Variants in LIN7A observed in about 807,000 individuals in gnomAD.
LIN7A encodes the protein protein lin-7 homolog A.
A neutral mutation model predicts 29.8 loss-of-function variants in LIN7A; 25 were observed. The observed-to-expected ratio is 0.84, with a 90% CI of 0.61 to 1.17. The LOEUF (loss-of-function observed/expected upper bound fraction) is 1.17, where lower values mean the gene tolerates loss of function less well. LIN7A is among the 50% of genes most tolerant of loss of function. LIN7A has a pLI of 0.00. For missense variants in LIN7A, 239 were observed against 287.0 expected (o/e 0.83, Z 1.21); for synonymous variants, 118 against 107.5 (o/e 1.10, Z -0.60).
At chr12:80,828,569 G>A (rs994637369) in intron 4 of LIN7A, among the ~76,000 whole-genome samples, 2 of 152,004 alleles carry the variant, frequency 1.3e-5, no homozygotes, top group African/African-American at 4.8e-5. Context: ...TGTTTCAAGG[G>A]CTTTAAATGT....
chr12:80,928,658 T>A (rs947852485), intron 1 of LIN7A, among the ~76,000 whole-genome samples: 2 of 152,236 alleles, frequency 1.3e-5, no homozygotes, highest in Non-Finnish European at 2.9e-5. Context: ...TTCTCTCTGA[T>A]GATAGTTTCT....
At chr12:80,904,515 C>T (rs1318557164) in intron 1 of LIN7A, among the ~76,000 whole-genome samples, 1 of 152,198 alleles carries the variant, frequency 6.6e-6, no homozygotes, top group Non-Finnish European at 1.5e-5. Context: ...TTATTATACA[C>T]ATAAATGAGA....
chr12:80,843,568 T>C (rs894313024), intron 4 of LIN7A, among the ~76,000 whole-genome samples: 1 of 152,162 alleles, frequency 6.6e-6, no homozygotes, highest in African/African-American at 2.4e-5. Flanking sequence ...GCAGTATCAC[T>C]GGGAGGTTGT....
chr12:80,890,164 T>C (rs768206113), intron 1 of LIN7A, among the ~76,000 whole-genome samples: 2 of 152,176 alleles, frequency 1.3e-5, no homozygotes, highest in Non-Finnish European at 2.9e-5. Flanking sequence ...TAGTCTTTTA[T>C]AGACATAAAA....
chr12:80,834,256 T>G (rs1349631041), intron 4 of LIN7A, among the ~76,000 whole-genome samples: 2 of 152,200 alleles, frequency 1.3e-5, no homozygotes, highest in Non-Finnish European at 2.9e-5. Flanking sequence ...TCAAATCTTG[T>G]ATACTACATA....
At chr12:80,882,197 C>T (rs1303621058) in intron 2 of LIN7A, among the ~76,000 whole-genome samples, 1 of 151,044 alleles carries the variant, frequency 6.6e-6, no homozygotes, top group Non-Finnish European at 1.5e-5. Context: ...AAATGCAATG[C>T]TAATGGTTTC....
chr12:80,903,034 C>T (rs12829889), intron 1 of LIN7A, among the ~76,000 whole-genome samples: 9,350 of 150,148 alleles, frequency 0.062, 454 homozygotes, highest in South Asian at 0.24. Context: ...TGTGTTTCTT[C>T]AATATCTAGT....
At chr12:80,826,074 G>A (rs1250347929) in intron 4 of LIN7A, among the ~76,000 whole-genome samples, 1 of 150,882 alleles carries the variant, frequency 6.6e-6, no homozygotes, top group African/African-American at 2.4e-5. Context: ...AATTTAATTG[G>A]AGAGATTCAA....
intron 2 of LIN7A, among the ~76,000 whole-genome samples, chr12:80,864,676 T>C (rs1182253206): frequency 6.6e-6 from 1 of 152,192 alleles, no homozygotes; most frequent in Non-Finnish European, 1.5e-5. Flanking sequence ...GGAAGTGATA[T>C]GCCAGGTTCA....
chr12:80,899,765 CTTTTCTTT>C (rs1876102332), intron 1 of LIN7A, among the ~76,000 whole-genome samples: 1 of 109,992 alleles, frequency 9.1e-6, no homozygotes, highest in Non-Finnish European at 2.0e-5. Flanking sequence ...TTCTTTTTTT[CTTTTCTTT>C]TTTTTTTTTT....
At chr12:80,797,815 A>G (rs1870526336) in intron 5 of LIN7A, 89 bp from the exon 6 acceptor site, 1 of 152,560 alleles carries the variant, frequency 6.6e-6, no homozygotes, top group Non-Finnish European at 1.5e-5. Context: ...AGCATATGCT[A>G]TGTGAGAACA....
At chr12:80,845,480 A>T (rs909483003) in intron 4 of LIN7A, 4 of 392,658 alleles carry the variant, frequency 1.0e-5, no homozygotes, top group Admixed American at 9.0e-5. Context: ...GAAGAAAGTC[A>T]GCTAGTTGGA....
intron 2 of LIN7A, among the ~76,000 whole-genome samples, chr12:80,887,922 G>A (rs1714738029): frequency 6.6e-6 from 1 of 152,098 alleles, no homozygotes; most frequent in Non-Finnish European, 1.5e-5. Context: ...CGGGGGAATG[G>A]CACTCTGTGA....
intron 1 of LIN7A, among the ~76,000 whole-genome samples, chr12:80,935,014 G>T (rs1229673484): frequency 6.6e-6 from 1 of 152,010 alleles, no homozygotes; most frequent in Non-Finnish European, 1.5e-5. Context: ...TCCTTTCCAT[G>T]GTTAAAATAC....
At chr12:80,840,596 A>G (rs897661987) in intron 4 of LIN7A, among the ~76,000 whole-genome samples, 2 of 138,750 alleles carry the variant, frequency 1.4e-5, no homozygotes, top group African/African-American at 5.4e-5. Context: ...ACTATAAAGT[A>G]CTAAATAAAT....
intron 1 of LIN7A, among the ~76,000 whole-genome samples, chr12:80,895,231 T>C (rs1270448025): frequency 6.6e-6 from 1 of 152,192 alleles, no homozygotes; most frequent in Non-Finnish European, 1.5e-5. Flanking sequence ...AAGTGCCACA[T>C]TGTCAAAAGA....
At chr12:80,855,340 AAG>A (rs1202234348) in intron 2 of LIN7A, among the ~76,000 whole-genome samples, 2 of 152,142 alleles carry the variant, frequency 1.3e-5, no homozygotes, top group Non-Finnish European at 2.9e-5. Context: ...GTTTTTTAAT[AAG>A]AAAAATTATA....
chr12:80,893,702 A>G (rs1263323119), intron 1 of LIN7A, among the ~76,000 whole-genome samples: 2 of 152,182 alleles, frequency 1.3e-5, no homozygotes, highest in Non-Finnish European at 2.9e-5. Context: ...TGCCTGAAAG[A>G]AGGGAGGCTA....
At chr12:80,854,746 T>C (rs1021278031) in intron 2 of LIN7A, among the ~76,000 whole-genome samples, 1 of 152,032 alleles carries the variant, frequency 6.6e-6, no homozygotes, top group Non-Finnish European at 1.5e-5. Flanking sequence ...ACTATTACTG[T>C]CTAAATTATA....
Sources: gnomAD v4.1 joint callset for allele counts (sites outside exome capture counted in the v4.1 genomes callset) on GRCh38, gnomAD v4.1.1 for gene constraint, MANE v1.5 for transcripts, NCBI Gene and HGNC (gene_info 2026-07-23, HGNC 2026-07-21) for gene names.